The following OLA1 variants were observed in gnomAD, a reference collection of about 807,000 sequenced individuals.
OLA1 encodes the protein obg-like ATPase 1.
A neutral mutation model predicts 48.4 loss-of-function variants in OLA1; 14 were observed. The observed-to-expected ratio is 0.29, with a 90% CI of 0.19 to 0.45. The LOEUF (loss-of-function observed/expected upper bound fraction) is 0.45, where lower values mean the gene tolerates loss of function less well. Ranked by LOEUF, OLA1 falls within the 20% of genes least tolerant of loss-of-function variation. The pLI is 1.00. For missense variants in OLA1, 325 were observed against 467.1 expected (o/e 0.70, Z 2.80); for synonymous variants, 127 against 150.4 (o/e 0.84, Z 1.14).
intron 7 of OLA1, among the ~76,000 whole-genome samples, chr2:174,107,297 TTC>T (rs1204665990): frequency 6.6e-6 from 1 of 152,144 alleles, no homozygotes; most frequent in Non-Finnish European, 1.5e-5. Flanking sequence ...AGAAATAATT[TTC>T]TGTTTGTAAA....
In OLA1 at chr2:174,081,131, A is replaced by G. The variant is rs770548770; in HGVS notation, c.966+21T>C. 7 of 1,582,800 alleles carry G rather than the reference A, an allele frequency of 4.4e-6. No homozygotes were observed. In the South Asian group the frequency reaches 6.6e-5, roughly 15 times the overall value. On this transcript the variant is annotated intron_variant, in intron 9 of 10. Transcript: ENST00000284719. ...AATAGTGTGGAACTGGATATAGCTG[A>G]TGAATAAGTATGAATCTTACCCTGA...
At chr2:174,203,172 T>C (rs1232410067) in intron 4 of OLA1, among the ~76,000 whole-genome samples, 1 of 152,182 alleles carries the variant, frequency 6.6e-6, no homozygotes, top group Non-Finnish European at 1.5e-5. Context: ...AACCTTCTAT[T>C]TGCAAGTAAA....
intron 4 of OLA1, among the ~76,000 whole-genome samples, chr2:174,149,754 T>C (rs1461039355): frequency 6.6e-6 from 1 of 152,214 alleles, no homozygotes. Context: ...TGATTATAAA[T>C]GGACTGAAGA....
intron 1 of OLA1, chr2:174,247,567 A>G: frequency 6.6e-7 from 1 of 1,503,824 alleles, no homozygotes; most frequent in Non-Finnish European, 8.9e-7. Flanking sequence ...TGGAACCACC[A>G]GCAGCCAAGT....
intron 4 of OLA1, among the ~76,000 whole-genome samples, chr2:174,191,227 C>CA (rs1687769972): frequency 6.6e-6 from 1 of 151,936 alleles, no homozygotes; most frequent in South Asian, 2.1e-4. Context: ...CATAAATATA[C>CA]AATTTATACT....
chr2:174,247,729 T>G (rs1374176737), intron 1 of OLA1: 8 of 1,551,008 alleles, frequency 5.2e-6, no homozygotes, highest in African/African-American at 1.4e-5. Context: ...GTACGGCTCA[T>G]CAGTCCTCAT....
chr2:174,079,713 G>A (rs1005758465), intron 9 of OLA1, among the ~76,000 whole-genome samples: 6 of 151,832 alleles, frequency 4.0e-5, no homozygotes, highest in African/African-American at 1.4e-4. Context: ...ATATTACAAG[G>A]ATATATATTC....
chr2:174,139,410 G>T (rs1459877018), intron 5 of OLA1, among the ~76,000 whole-genome samples: 1 of 152,200 alleles, frequency 6.6e-6, no homozygotes, highest in Non-Finnish European at 1.5e-5. Context: ...CCAGAACCGG[G>T]AAAGAAGACA....
Position 174,229,354 on chromosome 2 carries a change from G to A in OLA1, c.199C>T (p.Pro67Ser), listed in dbSNP as rs2105455973. The change falls in exon 3 of 11, where the codon CCA becomes TCA. Residue 67 changes from proline to serine, a missense_variant. Transcript: ENST00000284719. ...CAAAGAAAGTCAAACCTTTCATCTG[G>A]CACAGGTACTCTGCTCTCATTAGGA... ...IDPNESRVPVPDERFDFLCQY... is the reference protein window; with the variant it reads ...IDPNESRVPVSDERFDFLCQY... 6.2e-7 allele frequency: 1 copy of A among 1,612,696 alleles called. No individual in the cohort carries two copies. Among genetic ancestry groups the A allele is most frequent in the African/African-American group, 1.3e-5 (1 of 74,982 alleles).
At chr2:174,200,920 A>G (rs997330362) in intron 4 of OLA1, among the ~76,000 whole-genome samples, 8 of 152,234 alleles carry the variant, frequency 5.3e-5, no homozygotes, top group African/African-American at 9.6e-5. Flanking sequence ...GATACTAATC[A>G]ATAGTAAGCA....
chr2:174,166,099 T>C (rs999586336), intron 4 of OLA1, among the ~76,000 whole-genome samples: 1 of 148,830 alleles, frequency 6.7e-6, no homozygotes, highest in African/African-American at 2.5e-5. Flanking sequence ...CACTCCAGCC[T>C]GGGCAACAGA....
chr2:174,109,979 C>T (rs1321618484), intron 7 of OLA1, among the ~76,000 whole-genome samples: 2 of 152,152 alleles, frequency 1.3e-5, no homozygotes, highest in Middle Eastern at 3.2e-3. Flanking sequence ...CAAGTAGACC[C>T]CAGTGTCTAC....
chr2:174,144,951 A>AAAAAAAAAATATATATATATAT (rs1181030817), intron 4 of OLA1, among the ~76,000 whole-genome samples: 2 of 40,292 alleles, frequency 5.0e-5, no homozygotes, highest in Non-Finnish European at 8.0e-5. Flanking sequence ...AAAAAAAAAA[A>AAAAAAAAAATATATATATATAT]ATATATATAT....
At chr2:174,163,709 TAA>T (rs1558984374) in intron 4 of OLA1, among the ~76,000 whole-genome samples, 8,663 of 39,444 alleles carry the variant, frequency 0.22, 1,270 homozygotes, top group Middle Eastern at 0.38. Flanking sequence ...AATAAATAAA[TAA>T]ATATATATAT....
At chr2:174,161,312 A>G (rs913265825) in intron 4 of OLA1, among the ~76,000 whole-genome samples, 2 of 152,210 alleles carry the variant, frequency 1.3e-5, no homozygotes, top group Admixed American at 1.3e-4. Context: ...TATAACTTAT[A>G]TAGGCCTACT....
intron 4 of OLA1, among the ~76,000 whole-genome samples, chr2:174,159,771 G>A (rs905110235): frequency 2.0e-5 from 3 of 150,820 alleles, no homozygotes; most frequent in Non-Finnish European, 4.4e-5. Flanking sequence ...TATATAGAAT[G>A]TCTGAGAGAA....
intron 4 of OLA1, among the ~76,000 whole-genome samples, chr2:174,154,915 C>G (rs192165307): frequency 6.6e-6 from 1 of 152,176 alleles, no homozygotes; most frequent in Non-Finnish European, 1.5e-5. Context: ...GCTTTCATTT[C>G]TCATCTTTCA....
chr2:174,247,725 C>A (rs753429020), intron 1 of OLA1: 2 of 1,551,098 alleles, frequency 1.3e-6, no homozygotes, highest in East Asian at 2.4e-5. Flanking sequence ...GAAGGTACGG[C>A]TCATCAGTCC....
chr2:174,095,325 G>GTTTTTTTTTTTTTTTTTTTTTTTTTTTT (rs1205716344), intron 7 of OLA1, among the ~76,000 whole-genome samples: 9 of 78,008 alleles, frequency 1.2e-4, no homozygotes, highest in African/African-American at 2.5e-4. Context: ...GTTATTTCCT[G>GTTTTTTTTTTTTTTTTTTTTTTTTTTTT]TTTTTTTTTT....
Sources: gnomAD v4.1 joint callset for allele counts (sites outside exome capture counted in the v4.1 genomes callset) on GRCh38, gnomAD v4.1.1 for gene constraint, MANE v1.5 for transcripts, NCBI Gene and HGNC (gene_info 2026-07-23, HGNC 2026-07-21) for gene names.